Variants in HS6ST3 observed in about 807,000 individuals in gnomAD.
The protein encoded by HS6ST3 is heparan-sulfate 6-O-sulfotransferase 3.
In HS6ST3, 12 loss-of-function variants were observed where a neutral mutation model predicts 36.7. That is an observed-to-expected ratio of 0.33 (90% CI 0.21 to 0.53). The LOEUF is 0.53. Ranked by LOEUF, HS6ST3 falls within the 20% of genes least tolerant of loss-of-function variation. HS6ST3 has a pLI of 0.95. For synonymous variants in HS6ST3, 240 were observed against 257.5 expected, an observed-to-expected ratio of 0.93 and a Z score of 0.65; for missense variants, 584 against 640.9, an observed-to-expected ratio of 0.91 and a Z score of 0.96.
At chr13:96,371,328 T>G (rs1236239271) in intron 1 of HS6ST3, among the ~76,000 whole-genome samples, 1 of 152,304 alleles carries the variant, frequency 6.6e-6, no homozygotes, top group East Asian at 1.9e-4. Context: ...TTTCTTGAAG[T>G]AAAATTGACA....
chr13:96,293,525 A>C (rs1405541845), intron 1 of HS6ST3, among the ~76,000 whole-genome samples: 1 of 152,102 alleles, frequency 6.6e-6, no homozygotes, highest in Non-Finnish European at 1.5e-5. Flanking sequence ...ACATAAACTC[A>C]CACACAGATA....
intron 1 of HS6ST3, among the ~76,000 whole-genome samples, chr13:96,535,585 T>C (rs1172891052): frequency 2.0e-5 from 3 of 148,046 alleles, no homozygotes; most frequent in Non-Finnish European, 4.5e-5. Flanking sequence ...AATTGGAGAA[T>C]CTTGAAATCT....
chr13:96,799,044 C>A (rs574715931), intron 1 of HS6ST3, among the ~76,000 whole-genome samples: 5 of 152,056 alleles, frequency 3.3e-5, no homozygotes, highest in Non-Finnish European at 5.9e-5. Context: ...TTAGCTTAAT[C>A]GCTTCTTTAA....
intron 1 of HS6ST3, among the ~76,000 whole-genome samples, chr13:96,569,553 A>G (rs1429462893): frequency 6.6e-6 from 1 of 152,214 alleles, no homozygotes; most frequent in Non-Finnish European, 1.5e-5. Flanking sequence ...CTGGAAGGAT[A>G]ACAACTGGTG....
chr13:96,115,596 G>A (rs1164536794), intron 1 of HS6ST3, among the ~76,000 whole-genome samples: 1 of 152,156 alleles, frequency 6.6e-6, no homozygotes. Context: ...TTTTGTGGCT[G>A]CATAGTATTC....
At chr13:96,728,618 T>C (rs1414018315) in intron 1 of HS6ST3, among the ~76,000 whole-genome samples, 1 of 152,236 alleles carries the variant, frequency 6.6e-6, no homozygotes, top group Non-Finnish European at 1.5e-5. Context: ...ATATCAATGA[T>C]CTAGCATTCT....
intron 1 of HS6ST3, among the ~76,000 whole-genome samples, chr13:96,522,319 A>G (rs2056096806): frequency 6.6e-6 from 1 of 152,136 alleles, no homozygotes; most frequent in Non-Finnish European, 1.5e-5. Context: ...AGAAGAACGT[A>G]TATTCTGTTG....
intron 1 of HS6ST3, among the ~76,000 whole-genome samples, chr13:96,198,905 A>G (rs143472387): frequency 0.052 from 7,953 of 152,230 alleles, 313 homozygotes; most frequent in Admixed American, 0.13. Context: ...CCTGGTACCA[A>G]TTTACTGTAT....
In HS6ST3 at chr13:96,090,604, C is replaced by A. The variant is rs919627238; in HGVS notation, c.-259C>A. Among the ~76,000 whole-genome samples the A allele has an allele frequency of 1.7e-3, 244 of 146,112 alleles. 1 individual carries two copies. The highest frequency in any genetic ancestry group is 5.8e-3 in the African/African-American group (237 of 40,862). On this transcript the variant is annotated 5_prime_UTR_variant, in exon 1 of 2. Transcript: ENST00000376705. The stretch of plus-strand genomic sequence containing the variant: ...GGGAGCGGGCCGGCCCGGGCGCACC[C>A]GGGAGCGCAGGGCGCCCCACGCCGC...
At chr13:96,594,940 G>T (rs1418279146) in intron 1 of HS6ST3, among the ~76,000 whole-genome samples, 1 of 152,052 alleles carries the variant, frequency 6.6e-6, no homozygotes, top group African/African-American at 2.4e-5. Flanking sequence ...TGCTTGCTTG[G>T]GAAAATCTTT....
intron 1 of HS6ST3, among the ~76,000 whole-genome samples, chr13:96,655,027 G>A (rs1305756029): frequency 6.6e-6 from 1 of 152,132 alleles, no homozygotes; most frequent in Non-Finnish European, 1.5e-5. Context: ...CTTCTTGGCT[G>A]TCTTGGCTGG....
intron 1 of HS6ST3, among the ~76,000 whole-genome samples, chr13:96,137,436 A>T (rs1206136968): frequency 9.9e-5 from 14 of 141,474 alleles, no homozygotes; most frequent in Admixed American, 2.8e-4. Context: ...AATCCTGAAC[A>T]TTTTTTTTTT....
chr13:96,741,703 G>A (rs1036344925), intron 1 of HS6ST3, among the ~76,000 whole-genome samples: 3 of 152,082 alleles, frequency 2.0e-5, no homozygotes, highest in African/African-American at 7.2e-5. Context: ...TTTGAGAATT[G>A]GAAAATAAAT....
chr13:96,755,989 G>A (rs1305792005), intron 1 of HS6ST3, among the ~76,000 whole-genome samples: 4 of 152,054 alleles, frequency 2.6e-5, no homozygotes, highest in Non-Finnish European at 5.9e-5. Context: ...CCACCCTGGG[G>A]GTTATTAGTC....
At chr13:96,454,597 G>A (rs1013120660) in intron 1 of HS6ST3, among the ~76,000 whole-genome samples, 8 of 151,864 alleles carry the variant, frequency 5.3e-5, no homozygotes, top group Non-Finnish European at 1.2e-4. Flanking sequence ...TTGGAAGGGC[G>A]TTTGCTAAAG....
At chr13:96,274,706 G>A (rs948729075) in intron 1 of HS6ST3, among the ~76,000 whole-genome samples, 1 of 152,090 alleles carries the variant, frequency 6.6e-6, no homozygotes, top group African/African-American at 2.4e-5. Context: ...AACCAGAAAT[G>A]CTGCTCTCCA....
At chr13:96,475,385 A>G (rs943566231) in intron 1 of HS6ST3, among the ~76,000 whole-genome samples, 7 of 152,058 alleles carry the variant, frequency 4.6e-5, no homozygotes, top group African/African-American at 1.7e-4. Context: ...AGGAATGCAC[A>G]TTTTCCTGAA....
At chr13:96,238,794 A>G (rs1307923656) in intron 1 of HS6ST3, among the ~76,000 whole-genome samples, 1 of 152,238 alleles carries the variant, frequency 6.6e-6, no homozygotes, top group Non-Finnish European at 1.5e-5. Flanking sequence ...TGCTTTCAAT[A>G]TATTTGTGAA....
intron 1 of HS6ST3, among the ~76,000 whole-genome samples, chr13:96,746,954 G>A (rs1003009627): frequency 1.3e-5 from 2 of 152,074 alleles, no homozygotes; most frequent in South Asian, 4.1e-4. Flanking sequence ...TTTGATGTCA[G>A]TTGTTTGTCA....
Sources: allele counts gnomAD v4.1 joint callset (sites outside exome capture counted in the v4.1 genomes callset), GRCh38; gene constraint gnomAD v4.1.1; transcripts MANE v1.5; gene names NCBI Gene and HGNC (gene_info 2026-07-23, HGNC 2026-07-21).